PTPRQ: variants seen among roughly 807,000 people sequenced by gnomAD.
The protein encoded by PTPRQ is protein tyrosine phosphatase receptor type Q, also known as phosphatidylinositol phosphatase PTPRQ.
In PTPRQ, 199 loss-of-function variants were observed where a neutral mutation model predicts 246.0. The observed-to-expected ratio is 0.81, with a 90% CI of 0.72 to 0.91. The LOEUF is 0.91. Among genes scored for constraint, PTPRQ ranks in the 40% least tolerant of loss-of-function variants. The pLI is 0.00. For missense variants in PTPRQ, 2,624 were observed against 2,528.4 expected, an observed-to-expected ratio of 1.04 and a Z score of -0.81; for synonymous variants, 869 against 853.2, an observed-to-expected ratio of 1.02 and a Z score of -0.32.
At chr12:80,488,815 A>T (rs1894360258) in intron 9 of PTPRQ, among the ~76,000 whole-genome samples, 1 of 152,006 alleles carries the variant, frequency 6.6e-6, no homozygotes, top group African/African-American at 2.4e-5. Flanking sequence ...ATAAATATGG[A>T]TTATTTAAAC....
intron 30 of PTPRQ, 50 bp from the exon 31 acceptor site, chr12:80,619,334 T>G: frequency 1.3e-6 from 2 of 1,510,936 alleles, no homozygotes; most frequent in Non-Finnish European, 1.8e-6. Context: ...TTTTCTTTTG[T>G]TGATGAAACA....
rs78057177 is a variant in PTPRQ at position 80,470,769 on chromosome 12, G to A, written c.1040-1336G>A. 6.8e-4 allele frequency among the ~76,000 whole-genome samples: 103 copies of A among 152,236 alleles called. No individual in the cohort carries two copies. The East Asian group carries it at 0.019, about 28-fold the overall frequency. On this transcript the variant is annotated intron_variant, in intron 7 of 44. Transcript: ENST00000644991. ...AATAAAATAGGTGATTAAATCAATGGATTGTTGATTTCAGTGGATTTAAAG... is the reference window on the plus strand; with the variant it reads ...AATAAAATAGGTGATTAAATCAATGAATTGTTGATTTCAGTGGATTTAAAG...
intron 37 of PTPRQ, 150 bp downstream of exon 37, chr12:80,649,819 G>A: frequency 8.1e-7 from 1 of 1,230,346 alleles, no homozygotes; most frequent in Non-Finnish European, 1.1e-6. Flanking sequence ...TGATAGTAAT[G>A]TTACACTGGG....
chr12:80,472,397 C>A, intron 8 of PTPRQ, 146 bp downstream of exon 8: 1 of 1,191,374 alleles, frequency 8.4e-7, no homozygotes, highest in Non-Finnish European at 1.2e-6. Context: ...TCATTCTGAA[C>A]ATGTGTTCTC....
intron 37 of PTPRQ, among the ~76,000 whole-genome samples, chr12:80,650,122 T>A (rs374279589): frequency 6.6e-6 from 1 of 151,996 alleles, no homozygotes; most frequent in Admixed American, 6.6e-5. Context: ...GAATGTGAGA[T>A]CAAAACTTGA....
At chr12:80,671,321 T>C (rs1043302784) in intron 42 of PTPRQ, among the ~76,000 whole-genome samples, 1 of 152,076 alleles carries the variant, frequency 6.6e-6, no homozygotes, top group Non-Finnish European at 1.5e-5. Flanking sequence ...CTTAATATAA[T>C]AGTATATACT....
intron 4 of PTPRQ, among the ~76,000 whole-genome samples, chr12:80,458,624 T>C (rs959819387): frequency 6.6e-6 from 1 of 152,056 alleles, no homozygotes; most frequent in Non-Finnish European, 1.5e-5. Context: ...TGAAGGATCT[T>C]GGTGTTTTAC....
At chr12:80,453,320 T>C (rs1239599108) in intron 3 of PTPRQ, among the ~76,000 whole-genome samples, 1 of 152,226 alleles carries the variant, frequency 6.6e-6, no homozygotes, top group Non-Finnish European at 1.5e-5. Flanking sequence ...AATTTCCTCC[T>C]GTAGCTCGGA....
chr12:80,568,528 T>A lies in PTPRQ; in HGVS notation c.4285+18794T>A, dbSNP rs373765904. 2.4e-4 allele frequency among the ~76,000 whole-genome samples: 37 copies of A among 152,354 alleles called. 1 individual carries two copies. Among genetic ancestry groups the A allele is most frequent in the African/African-American group, 8.7e-4 (36 of 41,590 alleles). The stretch of plus-strand genomic sequence containing the variant: ...TTGCTTTAATTTCTGTCCATATTTG[T>A]CTTCAGTAAGTTGTCTTGGCTGCAT... On this transcript the variant is annotated intron_variant, in intron 25 of 44. Transcript: ENST00000644991.
intron 3 of PTPRQ, among the ~76,000 whole-genome samples, chr12:80,446,424 A>G (rs985627480): frequency 1.3e-5 from 2 of 151,844 alleles, no homozygotes; most frequent in African/African-American, 2.4e-5. Context: ...TTAGACTCCA[A>G]TGAAATGTCT....
chr12:80,484,291 G>A, intron 8 of PTPRQ, 142 bp from the exon 9 acceptor site: 1 of 1,056,432 alleles, frequency 9.5e-7, no homozygotes, highest in Non-Finnish European at 1.3e-6. Flanking sequence ...ACAGCCATGA[G>A]CCACCGCACC....
chr12:80,611,405 G>A (rs79444766), intron 28 of PTPRQ, among the ~76,000 whole-genome samples: 3,197 of 150,030 alleles, frequency 0.021, 56 homozygotes, highest in Non-Finnish European at 0.032. Flanking sequence ...AGTTTTTTTC[G>A]TTACATTATA....
At chr12:80,444,501 G>A in intron 1 of PTPRQ, 102 bp downstream of exon 1, 1 of 770,896 alleles carries the variant, frequency 1.3e-6, no homozygotes, top group South Asian at 1.6e-5. Context: ...AGGATAGATA[G>A]AAATGCTGAC....
intron 16 of PTPRQ, among the ~76,000 whole-genome samples, chr12:80,507,153 C>T (rs564526275): frequency 7.2e-5 from 11 of 151,958 alleles, no homozygotes; most frequent in South Asian, 2.1e-4. Context: ...ATGCTATTCC[C>T]CAAAGTTAGT....
intron 25 of PTPRQ, among the ~76,000 whole-genome samples, chr12:80,577,385 C>T (rs983264859): frequency 6.6e-6 from 1 of 152,226 alleles, no homozygotes; most frequent in African/African-American, 2.4e-5. Flanking sequence ...ATAAAACTAT[C>T]AGATCTTGTG....
At chr12:80,532,365 G>T (rs921279615) in intron 17 of PTPRQ, among the ~76,000 whole-genome samples, 1 of 151,962 alleles carries the variant, frequency 6.6e-6, no homozygotes, top group African/African-American at 2.4e-5. Context: ...GGGACCACAG[G>T]TCTGCCCACC....
chr12:80,553,450 C>T (rs1001229208), intron 25 of PTPRQ, among the ~76,000 whole-genome samples: 1 of 152,078 alleles, frequency 6.6e-6, no homozygotes, highest in African/African-American at 2.4e-5. Flanking sequence ...CAGCCTGTTG[C>T]ATACTTCTAA....
chr12:80,542,646 A>T (rs998831981), intron 22 of PTPRQ, 84 bp from the exon 23 acceptor site: 2 of 1,356,274 alleles, frequency 1.5e-6, no homozygotes, highest in Non-Finnish European at 2.0e-6. Context: ...TTTTTAAACT[A>T]GTGTCTTCAA....
chr12:80,510,174 A>G, intron 16 of PTPRQ, 149 bp from the exon 17 acceptor site: 1 of 785,184 alleles, frequency 1.3e-6, no homozygotes, highest in Non-Finnish European at 1.8e-6. Context: ...CTCATTTTGA[A>G]AGTAAACAGT....
Sources: gnomAD v4.1 joint callset for allele counts (sites outside exome capture counted in the v4.1 genomes callset) on GRCh38, gnomAD v4.1.1 for gene constraint, MANE v1.5 for transcripts, NCBI Gene and HGNC (gene_info 2026-07-23, HGNC 2026-07-21) for gene names.